MYO1D: variants seen among roughly 807,000 people sequenced by gnomAD.
MYO1D encodes the protein myosin ID, also known as unconventional myosin-Id.
Under a neutral mutation model 122.0 loss-of-function variants are expected in MYO1D, and 83 were observed. The ratio of observed to expected loss-of-function variants is 0.68; its 90% CI spans 0.57 to 0.82. MYO1D has a LOEUF of 0.82. Ranked by LOEUF, MYO1D falls within the 40% of genes least tolerant of loss-of-function variation. MYO1D has a pLI of 0.00. For missense variants in MYO1D, 1,157 were observed against 1,269.5 expected, an observed-to-expected ratio of 0.91 and a Z score of 1.35; for synonymous variants, 464 against 446.9, an observed-to-expected ratio of 1.04 and a Z score of -0.48.
chr17:32,764,960 C>A lies in MYO1D; in HGVS notation c.953G>T (p.Arg318Leu). ...GATGTCACGGCCTGTGGCCACAGTC[C>A]GGTAAAGAAGGGCTTTCTCAACCAT... is the stretch of plus-strand genomic sequence containing the variant. ...TDMVEKALLY[R>L]TVATGRDIID... The change falls in exon 8 of 22, where the codon CGG becomes CTG. Residue 318 changes from arginine (R) to leucine (L), a missense_variant. Arg to Leu is a moderately radical substitution (Grantham distance 102). Transcript: ENST00000318217. The A allele has an allele frequency of 6.2e-7, 1 of 1,614,174 alleles. No individual in the cohort carries two copies. The highest frequency in any genetic ancestry group is 1.1e-5 in the South Asian group (1 of 91,084).
intron 21 of MYO1D, among the ~76,000 whole-genome samples, chr17:32,521,434 A>G (rs1446666111): frequency 6.6e-6 from 1 of 152,186 alleles, no homozygotes; most frequent in Non-Finnish European, 1.5e-5. Flanking sequence ...TCAGGAACAA[A>G]CTGAAAAGAA....
In MYO1D at chr17:32,764,971, G is replaced by A. The variant is rs926623933; in HGVS notation, c.942C>T (p.Ala314=). The change falls in exon 8 of 22, where the codon GCC becomes GCT. Residue 314 remains alanine, a synonymous_variant. Transcript: ENST00000318217. ...LSTKTDMVEK[A]LLYRTVATGR... ...CTGTGGCCACAGTCCGGTAAAGAAG[G>A]GCTTTCTCAACCATATCTGTCTTAG... 8.1e-6 allele frequency: 13 copies of A among 1,614,158 alleles called. No individual in the cohort carries two copies. Among genetic ancestry groups the A allele is most frequent in the Middle Eastern group, 1.7e-4 (1 of 6,056 alleles).
At chr17:32,608,308 T>C (rs2087655011) in intron 20 of MYO1D, among the ~76,000 whole-genome samples, 1 of 152,164 alleles carries the variant, frequency 6.6e-6, no homozygotes, top group Admixed American at 6.5e-5. Flanking sequence ...CAATTAAAAA[T>C]GATGGATAAA....
chr17:32,860,505 CAAT>C (rs1021134286), intron 1 of MYO1D, among the ~76,000 whole-genome samples: 23 of 152,324 alleles, frequency 1.5e-4, no homozygotes, highest in African/African-American at 4.6e-4. Flanking sequence ...ACACCTACAA[CAAT>C]GTTATTTTGT....
rs141353920 is a variant in MYO1D, at chr17:32,656,078, T to C, written c.2346-1457A>G. 3.7e-3 allele frequency among the ~76,000 whole-genome samples: 570 copies of C among 152,252 alleles called. 4 individuals carry two copies. The highest frequency in any genetic ancestry group is 0.013 in the African/African-American group (535 of 41,538). On this transcript the variant is annotated intron_variant, in intron 17 of 21. Coordinates refer to ENST00000318217, the MANE Select transcript of MYO1D (RefSeq NM_015194.3). ...GGGAAAAAACAGGTACAAGTTCTCT[T>C]ATGCGCTTGGCGGCACCCTAGCCCT...
At chr17:32,772,019 C>A (rs1196913630) in intron 5 of MYO1D, among the ~76,000 whole-genome samples, 7 of 152,050 alleles carry the variant, frequency 4.6e-5, no homozygotes, top group Non-Finnish European at 1.0e-4. Flanking sequence ...ACTTAATATA[C>A]CAGAACTTAT....
intron 1 of MYO1D, among the ~76,000 whole-genome samples, chr17:32,818,510 G>T (rs1188369736): frequency 6.6e-6 from 1 of 152,202 alleles, no homozygotes; most frequent in African/African-American, 2.4e-5. Flanking sequence ...AAAAAATGGG[G>T]CTTGCAAGTT....
intron 16 of MYO1D, among the ~76,000 whole-genome samples, chr17:32,695,165 GGGT>G (rs2089155992): frequency 6.6e-6 from 1 of 152,138 alleles, no homozygotes; most frequent in Non-Finnish European, 1.5e-5. Flanking sequence ...GTGGGGGTGG[GGGT>G]GGTTTCAGGA....
intron 1 of MYO1D, among the ~76,000 whole-genome samples, chr17:32,791,348 A>G (rs913516099): frequency 1.4e-5 from 2 of 139,982 alleles, no homozygotes; most frequent in Non-Finnish European, 3.0e-5. Flanking sequence ...TGGGCAGCAG[A>G]GCGAGACTCC....
intron 21 of MYO1D, among the ~76,000 whole-genome samples, chr17:32,577,785 C>G (rs1280197266): frequency 1.3e-5 from 2 of 151,418 alleles, no homozygotes; most frequent in Admixed American, 1.3e-4. Context: ...GTCACCCAGG[C>G]TGGAGTGCAG....
At chr17:32,795,268 C>T (rs905440336) in intron 1 of MYO1D, among the ~76,000 whole-genome samples, 10 of 152,162 alleles carry the variant, frequency 6.6e-5, no homozygotes, top group African/African-American at 2.2e-4. Flanking sequence ...GGATGGCAAA[C>T]ACAGATCATC....
At chr17:32,693,574 A>G (rs1371533939) in intron 16 of MYO1D, among the ~76,000 whole-genome samples, 1 of 152,196 alleles carries the variant, frequency 6.6e-6, no homozygotes. Flanking sequence ...AACCTCAAGC[A>G]TATGTACATC....
At chr17:32,531,582 T>A (rs2043292536) in intron 21 of MYO1D, 1 of 152,248 alleles carries the variant, frequency 6.6e-6, no homozygotes, top group Non-Finnish European at 1.5e-5. Flanking sequence ...AAAGATTCTA[T>A]AAAGGCCATT....
intron 21 of MYO1D, among the ~76,000 whole-genome samples, chr17:32,554,009 A>G (rs1474151378): frequency 6.6e-6 from 1 of 151,990 alleles, no homozygotes; most frequent in Admixed American, 6.6e-5. Flanking sequence ...TGCCTCCCAT[A>G]GTTGTTATGG....
At chr17:32,495,621 C>T (rs1339869066) in intron 21 of MYO1D, 2 of 152,074 alleles carry the variant, frequency 1.3e-5, no homozygotes, top group Admixed American at 1.3e-4. Context: ...GGACAGAGCC[C>T]GAGCCCGAGC....
At chr17:32,525,244 C>G (rs1910302539) in intron 21 of MYO1D, among the ~76,000 whole-genome samples, 1 of 152,234 alleles carries the variant, frequency 6.6e-6, no homozygotes, top group African/African-American at 2.4e-5. Flanking sequence ...CAAACCTCCC[C>G]TCTCTCCTTC....
In MYO1D at chr17:32,768,785, C is replaced by T. The variant is rs187223693; in HGVS notation, c.715-1033G>A. 1.7e-3 allele frequency among the ~76,000 whole-genome samples: 263 copies of T among 152,204 alleles called. 1 individual carries two copies. Among genetic ancestry groups the T allele is most frequent in the African/African-American group, 6.1e-3 (255 of 41,526 alleles). The stretch of plus-strand genomic sequence containing the variant: ...GAATTGAATGAAAATTTATATAAAG[C>T]ACCTCTCTAGCACCAGCATACAAAA... On this transcript the variant is annotated intron_variant, in intron 6 of 21. Coordinates refer to ENST00000318217, the MANE Select transcript of MYO1D (RefSeq NM_015194.3).
intron 21 of MYO1D, among the ~76,000 whole-genome samples, chr17:32,589,593 C>T (rs1240370149): frequency 1.3e-5 from 2 of 152,134 alleles, no homozygotes; most frequent in Admixed American, 6.5e-5. Flanking sequence ...ATAAATGCCT[C>T]CACACCCAAG....
intron 13 of MYO1D, among the ~76,000 whole-genome samples, chr17:32,743,474 G>A (rs762512708): frequency 2.6e-5 from 4 of 151,962 alleles, no homozygotes; most frequent in South Asian, 2.1e-4. Context: ...TTTGATTTCC[G>A]TCTTCCTCTC....
Sources: gnomAD v4.1 joint callset for allele counts (sites outside exome capture counted in the v4.1 genomes callset) on GRCh38, gnomAD v4.1.1 for gene constraint, MANE v1.5 for transcripts, NCBI Gene and HGNC (gene_info 2026-07-23, HGNC 2026-07-21) for gene names.